ASIC2: variants seen among roughly 807,000 people sequenced by gnomAD.
ASIC2 encodes acid-sensing ion channel 2.
ASIC2 carries 25 observed loss-of-function variants against 57.3 expected under a neutral mutation model. The observed-to-expected ratio is 0.44, with a 90% CI of 0.32 to 0.61. The LOEUF (loss-of-function observed/expected upper bound fraction) is 0.61. Ranked by LOEUF, ASIC2 falls within the 20% of genes least tolerant of loss-of-function variation. The pLI is 0.06. For synonymous variants in ASIC2, 319 were observed against 307.5 expected (o/e 1.04, Z -0.39); for missense variants, 641 against 738.1 (o/e 0.87, Z 1.52).
chr17:33,905,950 T>A (rs1226546875), intron 1 of ASIC2, among the ~76,000 whole-genome samples: 1 of 151,886 alleles, frequency 6.6e-6, no homozygotes, highest in African/African-American at 2.4e-5. Context: ...TCTGAGTAGT[T>A]GGGACTATAG....
intron 1 of ASIC2, among the ~76,000 whole-genome samples, chr17:33,590,430 G>A (rs1451274468): frequency 2.0e-5 from 3 of 152,134 alleles, no homozygotes; most frequent in African/African-American, 7.2e-5. Context: ...CCCCTGCACA[G>A]GTACTTCATC....
In ASIC2 at chr17:33,426,400, C is replaced by G. The variant is rs551967692; in HGVS notation, c.556-314333G>C. On this transcript the variant is annotated intron_variant, in intron 1 of 9. Coordinates refer to the ASIC2 transcript ENST00000359872. ...TCTATAAGAGCCCTCTGTACCAAAA[C>G]GCAGGAGCCCAGTCATCCCTTTCTG... 2.0e-5 allele frequency among the ~76,000 whole-genome samples: 3 copies of G among 152,230 alleles called. No individual in the cohort carries two copies. In the South Asian group the frequency reaches 6.2e-4, roughly 31 times the overall value.
chr17:33,296,363 C>T (rs911720664), upstream of ASIC2, among the ~76,000 whole-genome samples: 9 of 152,104 alleles, frequency 5.9e-5, no homozygotes, highest in African/African-American at 1.4e-4. Flanking sequence ...CCCTAGTCCA[C>T]GCTGCCTCAG....
chr17:33,537,316 T>G (rs1915265031), intron 1 of ASIC2, among the ~76,000 whole-genome samples: 1 of 152,116 alleles, frequency 6.6e-6, no homozygotes, highest in Admixed American at 6.5e-5. Context: ...ATTTGCTGTT[T>G]TACATCATAT....
chr17:34,037,612 G>C (rs1217298266), intron 1 of ASIC2: 5 of 1,577,118 alleles, frequency 3.2e-6, no homozygotes, highest in African/African-American at 1.4e-5. Flanking sequence ...TGTGGCCTTG[G>C]AGTCAGTCTC....
At chr17:33,226,384 G>A (rs1036618939) in intron 1 of ASIC2, among the ~76,000 whole-genome samples, 4 of 152,190 alleles carry the variant, frequency 2.6e-5, no homozygotes, top group Non-Finnish European at 5.9e-5. Flanking sequence ...GGTTTTGGAA[G>A]ATGAATAGGA....
At chr17:33,893,960 T>C (rs906391267) in intron 1 of ASIC2, among the ~76,000 whole-genome samples, 1 of 151,974 alleles carries the variant, frequency 6.6e-6, no homozygotes, top group African/African-American at 2.4e-5. Flanking sequence ...CAAAGTCAGA[T>C]ACATGGGCTT....
chr17:34,109,828 G>A (rs1911202732), intron 1 of ASIC2, among the ~76,000 whole-genome samples: 1 of 152,090 alleles, frequency 6.6e-6, no homozygotes, highest in Non-Finnish European at 1.5e-5. Flanking sequence ...CAGCAGTCAT[G>A]GATTAGACAT....
intron 1 of ASIC2, among the ~76,000 whole-genome samples, chr17:33,392,778 C>T (rs1909947213): frequency 2.0e-5 from 3 of 152,198 alleles, no homozygotes; most frequent in Non-Finnish European, 1.5e-5. Flanking sequence ...TAGCTAATCC[C>T]TGAGCTATAA....
chr17:33,637,642 T>C (rs1906414238), intron 1 of ASIC2, among the ~76,000 whole-genome samples: 1 of 152,142 alleles, frequency 6.6e-6, no homozygotes, highest in African/African-American at 2.4e-5. Flanking sequence ...ATATACACAA[T>C]GCTATCTGTC....
At chr17:33,475,300 A>T (rs199777786) in intron 1 of ASIC2, among the ~76,000 whole-genome samples, 105 of 109,788 alleles carry the variant, frequency 9.6e-4, no homozygotes, top group Middle Eastern at 5.4e-3. Context: ...GTCTTTTTTT[A>T]AAAAAAAAGA....
intron 1 of ASIC2, among the ~76,000 whole-genome samples, chr17:34,044,879 T>A (rs964053592): frequency 3.3e-5 from 5 of 152,188 alleles, no homozygotes; most frequent in Non-Finnish European, 7.3e-5. Flanking sequence ...TGGAAGACTA[T>A]TACTTGGAGT....
chr17:33,686,506 T>C lies in ASIC2; in HGVS notation c.555+469472A>G, dbSNP rs528989090. ...GCCCCAGCTGTGCTTAATTTCTCTC[T>C]CTCCTTCTCCCCACCTGAAACCCCC... On this transcript the variant is annotated intron_variant, in intron 1 of 9. Transcript: ENST00000359872. 2.0e-5 allele frequency among the ~76,000 whole-genome samples: 3 copies of C among 152,228 alleles called. No individual in the cohort carries two copies. In the East Asian group the frequency reaches 5.8e-4, roughly 29 times the overall value.
intron 1 of ASIC2, among the ~76,000 whole-genome samples, chr17:33,914,148 G>T (rs950002257): frequency 1.3e-5 from 2 of 152,186 alleles, no homozygotes; most frequent in African/African-American, 2.4e-5. Flanking sequence ...AAACACAACT[G>T]GTTGCTCCAT....
intron 1 of ASIC2, among the ~76,000 whole-genome samples, chr17:33,619,183 A>T (rs1172687113): frequency 6.6e-6 from 1 of 152,200 alleles, no homozygotes. Context: ...GTCTGTAAAT[A>T]TAACTGTTTT....
intron 1 of ASIC2, among the ~76,000 whole-genome samples, chr17:33,273,019 C>A (rs368926331): frequency 6.6e-6 from 1 of 152,278 alleles, no homozygotes; most frequent in South Asian, 2.1e-4. Flanking sequence ...GGACTCACTC[C>A]TGTTTCACCA....
intron 1 of ASIC2, among the ~76,000 whole-genome samples, chr17:33,189,825 A>G (rs1906343797): frequency 6.6e-6 from 1 of 152,212 alleles, no homozygotes; most frequent in African/African-American, 2.4e-5. Context: ...ACTACAAGGA[A>G]AAATAGACAA....
intron 1 of ASIC2, among the ~76,000 whole-genome samples, chr17:33,282,361 G>A (rs1179888140): frequency 6.6e-6 from 1 of 152,088 alleles, no homozygotes; most frequent in Non-Finnish European, 1.5e-5. Flanking sequence ...GCATCTAGAG[G>A]CCATCCATCT....
At chr17:33,375,748 G>C (rs1330134328) in intron 1 of ASIC2, among the ~76,000 whole-genome samples, 1 of 152,152 alleles carries the variant, frequency 6.6e-6, no homozygotes, top group Non-Finnish European at 1.5e-5. Context: ...TATTTCTGAG[G>C]GTAGAGCTAT....
Sources: gnomAD v4.1 joint callset for allele counts (sites outside exome capture counted in the v4.1 genomes callset) on GRCh38, gnomAD v4.1.1 for gene constraint, MANE v1.5 for transcripts, NCBI Gene and HGNC (gene_info 2026-07-23, HGNC 2026-07-21) for gene names.